Variants in ASCC3 observed in about 807,000 individuals in gnomAD.
ASCC3 encodes activating signal cointegrator 1 complex subunit 3.
In ASCC3, 158 loss-of-function variants were observed where a neutral mutation model predicts 256.3. The observed-to-expected ratio is 0.62, with a 90% confidence interval of 0.54 to 0.70. ASCC3 has a LOEUF of 0.70. ASCC3 is among the 30% of genes least tolerant of loss of function. The pLI, the probability that ASCC3 is intolerant of heterozygous loss-of-function variation, is 0.00. For missense variants in ASCC3, 2,259 were observed against 2,626.0 expected (o/e 0.86, Z 3.05); for synonymous variants, 948 against 883.4 (o/e 1.07, Z -1.30).
At chr6:100,725,725 A>G in intron 10 of ASCC3, 22 bp from the exon 11 acceptor site, 1 of 1,611,500 alleles carries the variant, frequency 6.2e-7, no homozygotes, top group Non-Finnish European at 8.5e-7. Flanking sequence ...GACACATTTT[A>G]AAAGGGGAAA....
chr6:100,556,747 A>G (rs75097864), intron 36 of ASCC3, among the ~76,000 whole-genome samples: 2,502 of 152,270 alleles, frequency 0.016, 59 homozygotes, highest in African/African-American at 0.057. Context: ...CAGAGAAACT[A>G]AAGTTGGAAG....
intron 37 of ASCC3, among the ~76,000 whole-genome samples, chr6:100,529,494 A>C (rs1238869763): frequency 6.6e-6 from 1 of 152,188 alleles, no homozygotes; most frequent in African/African-American, 2.4e-5. Flanking sequence ...TCCCTCTTAG[A>C]AACTGGTTAA....
intron 16 of ASCC3, among the ~76,000 whole-genome samples, chr6:100,658,727 T>A (rs552702495): frequency 6.6e-6 from 1 of 151,428 alleles, no homozygotes; most frequent in African/African-American, 2.4e-5. Flanking sequence ...TGGAGAGTAA[T>A]TGTAGCCAGA....
intron 10 of ASCC3, among the ~76,000 whole-genome samples, chr6:100,761,790 A>G (rs1781433953): frequency 6.6e-6 from 1 of 152,182 alleles, no homozygotes; most frequent in Non-Finnish European, 1.5e-5. Flanking sequence ...ATTTAAAGCG[A>G]AAAGCCCAAT....
intron 14 of ASCC3, among the ~76,000 whole-genome samples, chr6:100,666,770 G>A (rs79357082): frequency 0.03 from 4,574 of 151,928 alleles, 76 homozygotes; most frequent in African/African-American, 0.055. Context: ...AAGCAACCTC[G>A]TATTTGTTAT....
intron 17 of ASCC3, 89 bp from the exon 18 acceptor site, chr6:100,652,978 T>C (rs1775743409): frequency 1.5e-6 from 2 of 1,291,854 alleles, no homozygotes; most frequent in Non-Finnish European, 2.2e-6. Context: ...TTAAAACTTT[T>C]CTTAATGTTT....
chr6:100,832,420 A>T (rs1771664749), intron 4 of ASCC3, among the ~76,000 whole-genome samples: 1 of 152,148 alleles, frequency 6.6e-6, no homozygotes, highest in African/African-American at 2.4e-5. Flanking sequence ...AAAACTTAGC[A>T]CCCATTGAAC....
At chr6:100,655,990 C>T (rs1485774460) in intron 16 of ASCC3, among the ~76,000 whole-genome samples, 172 bp from the exon 17 acceptor site, 2 of 151,694 alleles carry the variant, frequency 1.3e-5, no homozygotes, top group African/African-American at 4.8e-5. Context: ...AAAATCAGTC[C>T]TGCCTCATTT....
At chr6:100,586,413 C>T (rs951531025) in intron 36 of ASCC3, among the ~76,000 whole-genome samples, 4 of 152,188 alleles carry the variant, frequency 2.6e-5, no homozygotes, top group African/African-American at 4.8e-5. Context: ...TCTCCTGATG[C>T]GCCATTTTTT....
intron 36 of ASCC3, among the ~76,000 whole-genome samples, chr6:100,555,945 G>A (rs774910225): frequency 2.0e-5 from 3 of 152,090 alleles, no homozygotes; most frequent in Admixed American, 6.6e-5. Flanking sequence ...ACAATGAGCC[G>A]AGATAGAGCC....
chr6:100,781,113 T>C (rs1782426152), intron 8 of ASCC3, among the ~76,000 whole-genome samples: 1 of 152,172 alleles, frequency 6.6e-6, no homozygotes, highest in Non-Finnish European at 1.5e-5. Flanking sequence ...CTGTGCTTGC[T>C]TCAGCTGAGT....
At chr6:100,659,634 GT>G (rs1281975898) in intron 16 of ASCC3, among the ~76,000 whole-genome samples, 2 of 151,516 alleles carry the variant, frequency 1.3e-5, no homozygotes, top group Non-Finnish European at 1.5e-5. Flanking sequence ...TGATCAAATA[GT>G]TTTAGTGATG....
chr6:100,637,097 G>A (rs1004688778), intron 25 of ASCC3, among the ~76,000 whole-genome samples: 1 of 152,154 alleles, frequency 6.6e-6, no homozygotes, highest in African/African-American at 2.4e-5. Flanking sequence ...ACTTTCACAG[G>A]TAGAGAGGAG....
intron 12 of ASCC3, among the ~76,000 whole-genome samples, chr6:100,716,586 TG>T (rs1779098581): frequency 6.6e-6 from 1 of 151,940 alleles, no homozygotes; most frequent in Non-Finnish European, 1.5e-5. Context: ...TTACTCCTCA[TG>T]AATAATTTAA....
chr6:100,628,586 C>CT (rs1218898928), intron 27 of ASCC3, among the ~76,000 whole-genome samples: 1 of 152,036 alleles, frequency 6.6e-6, no homozygotes, highest in Non-Finnish European at 1.5e-5. Flanking sequence ...CGCCCACCAC[C>CT]TTGCTCTCTT....
intron 2 of ASCC3, 101 bp from the exon 3 acceptor site, chr6:100,864,315 AC>A: frequency 9.6e-7 from 1 of 1,044,930 alleles, no homozygotes; most frequent in Non-Finnish European, 1.4e-6. Flanking sequence ...ACTTGGTACT[AC>A]CCACAAGAAT....
chr6:100,646,827 C>A, intron 21 of ASCC3, 58 bp from the exon 22 acceptor site: 1 of 1,540,254 alleles, frequency 6.5e-7, no homozygotes, highest in South Asian at 1.1e-5. Context: ...GCAATATAAT[C>A]TGACTTGTAA....
Position 100,551,008 on chromosome 6 carries a change from T to C in ASCC3, c.5551-10621A>G, listed in dbSNP as rs535995651. ...TAATAAGTTTAATAAAAATGCCTTATGTAGTTATCCAGACAGTCACCCTCC... is the reference window on the plus strand; with the variant it reads ...TAATAAGTTTAATAAAAATGCCTTACGTAGTTATCCAGACAGTCACCCTCC... On this transcript the variant is annotated intron_variant, in intron 36 of 41. Coordinates refer to ENST00000369162, the MANE Select transcript of ASCC3 (RefSeq NM_006828.4). Among the ~76,000 whole-genome samples, 11 of 152,140 alleles carry C rather than the reference T, an allele frequency of 7.2e-5. No individual in the cohort carries two copies. In the South Asian group the frequency reaches 2.3e-3, roughly 32 times the overall value.
At chr6:100,841,152 C>T (rs1354227625) in intron 4 of ASCC3, among the ~76,000 whole-genome samples, 1 of 152,078 alleles carries the variant, frequency 6.6e-6, no homozygotes, top group Admixed American at 6.5e-5. Flanking sequence ...AGAATATTAG[C>T]TTAAAACAGA....
Sources: gnomAD v4.1 joint callset for allele counts (sites outside exome capture counted in the v4.1 genomes callset) on GRCh38, gnomAD v4.1.1 for gene constraint, MANE v1.5 for transcripts, NCBI Gene and HGNC (gene_info 2026-07-23, HGNC 2026-07-21) for gene names.